NRXN1: variants seen among roughly 807,000 people sequenced by gnomAD.
The protein encoded by NRXN1 is neurexin 1, also known as neurexin-1.
NRXN1 carries 39 observed loss-of-function variants against 150.9 expected under a neutral mutation model. That is an observed-to-expected ratio of 0.26 (90% CI 0.20 to 0.34). The LOEUF is 0.34. NRXN1 is among the 10% of genes least tolerant of loss of function. The probability of loss-of-function intolerance (pLI) is 1.00; values close to 1 mark genes in which losing one functional copy is unlikely to be tolerated. For synonymous variants in NRXN1, 924 were observed against 757.0 expected (o/e 1.22, Z -3.62); for missense variants, 1,815 against 1,949.9 (o/e 0.93, Z 1.30).
chr2:50,189,417 T>C (rs186713514), intron 18 of NRXN1, among the ~76,000 whole-genome samples: 1 of 152,142 alleles, frequency 6.6e-6, no homozygotes, highest in East Asian at 1.9e-4. Flanking sequence ...CTAATGTAGA[T>C]GACAGGTTAA....
intron 17 of NRXN1, among the ~76,000 whole-genome samples, chr2:50,369,082 A>T (rs2079814135): frequency 6.6e-6 from 1 of 151,976 alleles, no homozygotes; most frequent in Admixed American, 6.6e-5. Flanking sequence ...CAAATAACTC[A>T]TCGCCAAGTA....
chr2:50,351,647 G>A (rs1169268462), intron 17 of NRXN1, among the ~76,000 whole-genome samples: 2 of 152,012 alleles, frequency 1.3e-5, no homozygotes, highest in African/African-American at 2.4e-5. Flanking sequence ...CATAATAATA[G>A]TAATAATAAA....
At chr2:50,087,619 T>C (rs1698973707) in intron 19 of NRXN1, among the ~76,000 whole-genome samples, 1 of 152,186 alleles carries the variant, frequency 6.6e-6, no homozygotes, top group South Asian at 2.1e-4. Context: ...GAAATGGCTT[T>C]CTCAACTTTA....
At chr2:50,522,720 ATTTTT>A (rs869200431) in intron 12 of NRXN1, among the ~76,000 whole-genome samples, 1 of 47,728 alleles carries the variant, frequency 2.1e-5, no homozygotes, top group Non-Finnish European at 5.3e-5. Context: ...ATTTTTATTC[ATTTTT>A]TTTTTTTTTT....
chr2:50,876,839 G>GGTA (rs1262216914), intron 5 of NRXN1, among the ~76,000 whole-genome samples: 3 of 151,508 alleles, frequency 2.0e-5, no homozygotes, highest in Non-Finnish European at 4.4e-5. Flanking sequence ...CCAAAATATT[G>GGTA]GTATTATGAA....
At chr2:50,909,286 G>A (rs1034241153) in intron 5 of NRXN1, among the ~76,000 whole-genome samples, 2 of 151,906 alleles carry the variant, frequency 1.3e-5, no homozygotes, top group Admixed American at 1.3e-4. Flanking sequence ...GAGGTAACAA[G>A]GTAACAAGTA....
intron 18 of NRXN1, among the ~76,000 whole-genome samples, chr2:50,163,178 A>G (rs1244511298): frequency 6.7e-6 from 1 of 148,268 alleles, no homozygotes; most frequent in Non-Finnish European, 1.5e-5. Context: ...ATATATATAT[A>G]TATATATAAA....
At chr2:50,335,176 C>T (rs2077098941) in intron 17 of NRXN1, among the ~76,000 whole-genome samples, 5 of 152,126 alleles carry the variant, frequency 3.3e-5, no homozygotes, top group Admixed American at 3.3e-4. Context: ...CCTATTAAAA[C>T]ACTCATTTAT....
chr2:50,020,806 G>T (rs1026460796), intron 21 of NRXN1, among the ~76,000 whole-genome samples: 7 of 152,118 alleles, frequency 4.6e-5, no homozygotes, highest in Non-Finnish European at 1.0e-4. Flanking sequence ...GTGTATGTAT[G>T]TATAATTACA....
intron 17 of NRXN1, among the ~76,000 whole-genome samples, chr2:50,351,652 A>G (rs550154179): frequency 8.2e-4 from 125 of 152,234 alleles, no homozygotes; most frequent in Admixed American, 1.4e-3. Context: ...TAATAGTAAT[A>G]ATAAAAACTA....
Position 50,553,031 on chromosome 2 carries a change from GGCA to G in NRXN1, c.1321-9_1321-7del. 3 of 1,594,150 alleles carry G rather than the reference GGCA, an allele frequency of 1.9e-6. No individual in the cohort carries two copies. Among genetic ancestry groups the G allele is most frequent in the Non-Finnish European group, 2.6e-6 (3 of 1,170,024 alleles). On this transcript the variant is annotated splice_region_variant and splice_polypyrimidine_tract_variant and intron_variant, in intron 8 of 22. Coordinates refer to ENST00000401669, the MANE Select transcript of NRXN1 (RefSeq NM_001330078.2). Reference sequence around the variant, plus strand: ...TCATTATTTTTATATACAACCTGTGGGCAGAGGATAGCAGTGAGAAACTAGCCT... The same window carrying G: ...TCATTATTTTTATATACAACCTGTGGGAGGATAGCAGTGAGAAACTAGCCT...
intron 21 of NRXN1, among the ~76,000 whole-genome samples, chr2:49,979,430 TATCTTCCAAA>T (rs1468762889): frequency 4.6e-5 from 7 of 152,244 alleles, no homozygotes; most frequent in Admixed American, 1.3e-4. Flanking sequence ...GAGGAAGTAT[TATCTTCCAAA>T]ATATTCCAAT....
chr2:49,961,350 C>G (rs528640926), intron 21 of NRXN1, among the ~76,000 whole-genome samples: 4 of 149,106 alleles, frequency 2.7e-5, no homozygotes, highest in Admixed American at 2.0e-4. Flanking sequence ...ACACACACAT[C>G]AATCTCTCAA....
chr2:50,182,033 G>GA (rs35172408), intron 18 of NRXN1, among the ~76,000 whole-genome samples: 1,428 of 142,730 alleles, frequency 0.01, 6 homozygotes, highest in Admixed American at 0.013. Flanking sequence ...CAAGGGAAAG[G>GA]AAAAAAAAAA....
Position 50,474,839 on chromosome 2 carries a change from C to CAA in NRXN1, c.3071-2370_3071-2369dup, listed in dbSNP as rs35572466. ...TCTCTTTACCCGCCCGCCCCCCTACCAAAAAAAAAAAAATGAGTACAGTAG... is the reference window on the plus strand; with the variant it reads ...TCTCTTTACCCGCCCGCCCCCCTACCAAAAAAAAAAAAAAATGAGTACAGTAG... On this transcript the variant is annotated intron_variant, in intron 15 of 22. Transcript: ENST00000401669. Among the ~76,000 whole-genome samples, 393 of 108,856 alleles carry CAA rather than the reference C, an allele frequency of 3.6e-3. 15 individuals carry two copies. The highest frequency in any genetic ancestry group is 0.027 in the South Asian group (83 of 3,060). The allele number at this position is 108,856 out of a possible 152,430, so 71.4% of individuals were successfully genotyped here. A position where few individuals can be genotyped will look rare whatever the true frequency, so the allele number is the denominator to read the frequency against.
intron 18 of NRXN1, chr2:50,175,283 G>A (rs991279144): frequency 6.6e-6 from 1 of 152,158 alleles, no homozygotes; most frequent in African/African-American, 2.4e-5. Context: ...TTATAAAGAA[G>A]TTATAGGTAA....
chr2:50,052,805 T>A (rs1217515229), intron 21 of NRXN1, among the ~76,000 whole-genome samples: 2 of 94,500 alleles, frequency 2.1e-5, no homozygotes, highest in Non-Finnish European at 4.8e-5. Flanking sequence ...TGGCTGGCTA[T>A]CAATTCAAAA....
At chr2:50,587,089 G>A (rs1478069874) in intron 8 of NRXN1, among the ~76,000 whole-genome samples, 1 of 152,292 alleles carries the variant, frequency 6.6e-6, no homozygotes, top group East Asian at 1.9e-4. Context: ...CCTTGGGCGA[G>A]ACACAATCTT....
chr2:50,759,303 G>C (rs183667991), intron 5 of NRXN1, among the ~76,000 whole-genome samples: 1 of 151,854 alleles, frequency 6.6e-6, no homozygotes, highest in Non-Finnish European at 1.5e-5. Context: ...TGAAAACTCA[G>C]AAATGGGACT....
Sources: gnomAD v4.1 joint callset for allele counts (sites outside exome capture counted in the v4.1 genomes callset) on GRCh38, gnomAD v4.1.1 for gene constraint, MANE v1.5 for transcripts, NCBI Gene and HGNC (gene_info 2026-07-23, HGNC 2026-07-21) for gene names.